The following NOL4 variants were observed in gnomAD, a reference collection of about 807,000 sequenced individuals.
NOL4 encodes the protein nucleolar protein 4.
Under a neutral mutation model 75.9 loss-of-function variants are expected in NOL4, and 17 were observed. That is an observed-to-expected ratio of 0.22 (90% CI 0.15 to 0.34). The LOEUF (loss-of-function observed/expected upper bound fraction) is 0.34, where lower values mean the gene tolerates loss of function less well. Among genes scored for constraint, NOL4 ranks in the 10% least tolerant of loss-of-function variants. The pLI, the probability that NOL4 is intolerant of heterozygous loss-of-function variation, is 1.00. For synonymous variants in NOL4, 292 were observed against 289.9 expected (o/e 1.01, Z -0.07); for missense variants, 614 against 793.5 (o/e 0.77, Z 2.72).
chr18:34,115,895 G>A (rs946032331), intron 2 of NOL4, among the ~76,000 whole-genome samples: 1 of 152,136 alleles, frequency 6.6e-6, no homozygotes, highest in African/African-American at 2.4e-5. Context: ...CGGTTGTGGA[G>A]TGGGGGAATT....
At chr18:33,855,464 G>A (rs190294451) in intron 10 of NOL4, among the ~76,000 whole-genome samples, 49 of 152,148 alleles carry the variant, frequency 3.2e-4, no homozygotes, top group Non-Finnish European at 5.1e-4. Context: ...TGAGAAGCAC[G>A]GCTCTGGAAA....
chr18:34,139,975 G>A (rs1157118389), intron 1 of NOL4, among the ~76,000 whole-genome samples: 3 of 152,180 alleles, frequency 2.0e-5, no homozygotes, highest in African/African-American at 7.2e-5. Context: ...CGGTTTCCAT[G>A]TAGTTGAGCA....
chr18:34,101,426 C>A (rs1023094539), intron 4 of NOL4, among the ~76,000 whole-genome samples: 2 of 152,138 alleles, frequency 1.3e-5, no homozygotes, highest in East Asian at 3.9e-4. Context: ...AGCCCCATGC[C>A]CCAAAAGAGA....
intron 5 of NOL4, among the ~76,000 whole-genome samples, chr18:34,047,781 C>G: frequency 6.6e-6 from 1 of 151,938 alleles, no homozygotes; most frequent in East Asian, 1.9e-4. Flanking sequence ...TGAACAAACC[C>G]ACATAGACGT....
At chr18:34,088,297 T>A (rs1343765474) in intron 5 of NOL4, among the ~76,000 whole-genome samples, 1 of 152,058 alleles carries the variant, frequency 6.6e-6, no homozygotes, top group African/African-American at 2.4e-5. Flanking sequence ...AGACAAGGAA[T>A]GAACATCAGC....
At chr18:34,106,900 G>A (rs35872245) in intron 2 of NOL4, among the ~76,000 whole-genome samples, 2 of 151,878 alleles carry the variant, frequency 1.3e-5, no homozygotes, top group African/African-American at 2.4e-5. Context: ...AAAGCATATC[G>A]AGTTATAGTC....
At chr18:34,012,095 C>T (rs2074406180) in intron 6 of NOL4, among the ~76,000 whole-genome samples, 1 of 151,896 alleles carries the variant, frequency 6.6e-6, no homozygotes, top group Admixed American at 6.6e-5. Context: ...CCCTGTCCTT[C>T]ATCTTCCTGC....
At chr18:33,957,198 A>C (rs2069715522) in intron 8 of NOL4, 128 bp downstream of exon 8, 1 of 678,334 alleles carries the variant, frequency 1.5e-6, no homozygotes, top group Non-Finnish European at 2.4e-6. Flanking sequence ...ACGAGCAAAC[A>C]AAACCCCCTT....
At chr18:34,125,534 T>C (rs1401282912) in intron 2 of NOL4, among the ~76,000 whole-genome samples, 1 of 152,136 alleles carries the variant, frequency 6.6e-6, no homozygotes, top group Non-Finnish European at 1.5e-5. Context: ...AATATTCTAT[T>C]TAGCAATAGA....
chr18:34,108,935 T>C (rs2079450022), intron 2 of NOL4, among the ~76,000 whole-genome samples: 1 of 152,176 alleles, frequency 6.6e-6, no homozygotes, highest in African/African-American at 2.4e-5. Context: ...GGATAGATCA[T>C]ATGTTAGGCC....
intron 5 of NOL4, among the ~76,000 whole-genome samples, chr18:34,058,558 G>C (rs1190384496): frequency 6.6e-6 from 1 of 152,114 alleles, no homozygotes; most frequent in Non-Finnish European, 1.5e-5. Flanking sequence ...AACCCTCACA[G>C]ACATTTACCA....
At chr18:34,176,589 A>G (rs2146301248) in intron 1 of NOL4, among the ~76,000 whole-genome samples, 1 of 152,168 alleles carries the variant, frequency 6.6e-6, no homozygotes, top group South Asian at 2.1e-4. Flanking sequence ...TTGGGAGGCA[A>G]TTAGGGCTAA....
At chr18:34,068,638 C>T (rs915921171) in intron 5 of NOL4, among the ~76,000 whole-genome samples, 4 of 152,070 alleles carry the variant, frequency 2.6e-5, no homozygotes, top group Non-Finnish European at 5.9e-5. Context: ...GACCTCATGT[C>T]CACCCACCTC....
intron 5 of NOL4, among the ~76,000 whole-genome samples, chr18:34,024,146 T>C (rs1460252841): frequency 7.5e-6 from 1 of 134,084 alleles, no homozygotes; most frequent in Non-Finnish European, 1.6e-5. Context: ...CAGCATCATG[T>C]CCTTTAGGCC....
At chr18:33,894,662 ATTATT>A (rs952378106) in intron 9 of NOL4, among the ~76,000 whole-genome samples, 8 of 152,168 alleles carry the variant, frequency 5.3e-5, no homozygotes, top group African/African-American at 1.9e-4. Flanking sequence ...ATAACAGGTT[ATTATT>A]TTAACAAATT....
At position 33,951,041 on chromosome 18, in the gene NOL4, C is replaced by T. The variant is rs994087092; in HGVS notation, c.1428+6285G>A. Among the ~76,000 whole-genome samples the T allele has an allele frequency of 8.5e-5, 13 of 152,224 alleles. No individual in the cohort carries two copies. In the South Asian group the frequency reaches 1.2e-3, roughly 15 times the overall value. ...CCAAAGCTCAGAGATAGAAAATCAACAAGTAGCAACTGGAAAAGCACAGAC... is the reference window on the plus strand; with the variant it reads ...CCAAAGCTCAGAGATAGAAAATCAATAAGTAGCAACTGGAAAAGCACAGAC... On this transcript the variant is annotated intron_variant, in intron 8 of 10. Coordinates refer to ENST00000261592, the MANE Select transcript of NOL4 (RefSeq NM_003787.5).
chr18:34,027,233 C>T (rs184734893), intron 5 of NOL4, among the ~76,000 whole-genome samples: 5 of 152,134 alleles, frequency 3.3e-5, no homozygotes, highest in Admixed American at 2.0e-4. Flanking sequence ...GTGATGATGA[C>T]GGTGGTTTGG....
chr18:33,974,927 G>GGCT, intron 6 of NOL4, among the ~76,000 whole-genome samples: 1 of 152,108 alleles, frequency 6.6e-6, no homozygotes. Flanking sequence ...AACTGTCCAT[G>GGCT]GCTGGATGAA....
intron 5 of NOL4, among the ~76,000 whole-genome samples, chr18:34,032,423 C>T (rs1486246784): frequency 1.3e-5 from 2 of 152,112 alleles, no homozygotes; most frequent in Non-Finnish European, 2.9e-5. Context: ...TCTCCCATCC[C>T]AGAGCACAGA....
Sources: gnomAD v4.1 joint callset for allele counts (sites outside exome capture counted in the v4.1 genomes callset) on GRCh38, gnomAD v4.1.1 for gene constraint, MANE v1.5 for transcripts, NCBI Gene and HGNC (gene_info 2026-07-23, HGNC 2026-07-21) for gene names.